Variants in ZPBP observed in about 807,000 individuals in gnomAD.
ZPBP encodes the protein zona pellucida binding protein, also known as zona pellucida-binding protein 1.
In ZPBP, 26 loss-of-function variants were observed where a neutral mutation model predicts 44.8. The ratio of observed to expected loss-of-function variants is 0.58; its 90% CI spans 0.43 to 0.81. The LOEUF (loss-of-function observed/expected upper bound fraction) is 0.81. Among genes scored for constraint, ZPBP ranks in the 30% least tolerant of loss-of-function variants. ZPBP has a pLI of 0.00. For missense variants in ZPBP, 409 were observed against 434.0 expected (o/e 0.94, Z 0.51); for synonymous variants, 174 against 153.2 (o/e 1.14, Z -1.00).
intron 1 of ZPBP, among the ~76,000 whole-genome samples, chr7:49,907,905 AC>A (rs894825611): frequency 6.6e-6 from 1 of 152,160 alleles, no homozygotes; most frequent in African/African-American, 2.4e-5. Context: ...CTCCAGTAGC[AC>A]GCTTCAGAGC....
At chr7:50,090,604 C>T (rs12718240) in intron 1 of ZPBP, among the ~76,000 whole-genome samples, 6 of 62,118 alleles carry the variant, frequency 9.7e-5, no homozygotes, top group Admixed American at 2.0e-4. Context: ...CGTATATATG[C>T]GTATATATGT....
intron 6 of ZPBP, among the ~76,000 whole-genome samples, chr7:50,005,821 A>ATGTGTGTG (rs1384784137): frequency 1.9e-5 from 2 of 105,912 alleles, no homozygotes; most frequent in Admixed American, 2.2e-4. Flanking sequence ...TCATAACTAT[A>ATGTGTGTG]TATGTGTGTG....
At chr7:50,064,021 T>C (rs762361324) in intron 3 of ZPBP, among the ~76,000 whole-genome samples, 63 of 152,212 alleles carry the variant, frequency 4.1e-4, no homozygotes, top group Non-Finnish European at 7.2e-4. Context: ...CAGTCTCTTA[T>C]GTATCGGGGG....
At chr7:50,056,438 C>G (rs1800938846) in intron 4 of ZPBP, 1 of 152,224 alleles carries the variant, frequency 6.6e-6, no homozygotes, top group Non-Finnish European at 1.5e-5. Flanking sequence ...TGTGATTACA[C>G]TGGACCCACC....
At chr7:50,057,192 A>AC (rs201235536) in intron 4 of ZPBP, among the ~76,000 whole-genome samples, 44 of 152,030 alleles carry the variant, frequency 2.9e-4, no homozygotes, top group African/African-American at 1.1e-3. Context: ...ATCTCAAAAA[A>AC]AAAAAAAAAA....
intron 2 of ZPBP, among the ~76,000 whole-genome samples, chr7:49,869,314 G>A (rs773178559): frequency 6.6e-6 from 1 of 152,114 alleles, no homozygotes; most frequent in Non-Finnish European, 1.5e-5. Context: ...CCAGGAATCT[G>A]GGGGAGAATA....
chr7:49,973,052 C>T (rs1031842755), intron 7 of ZPBP, among the ~76,000 whole-genome samples: 1 of 151,982 alleles, frequency 6.6e-6, no homozygotes, highest in Non-Finnish European at 1.5e-5. Context: ...GGACCCTTAA[C>T]TTACACAGCA....
chr7:49,844,406 C>T, the ZPBP span, among the ~76,000 whole-genome samples: 1 of 152,204 alleles, frequency 6.6e-6, no homozygotes, highest in African/African-American at 2.4e-5. Context: ...CGGCTTTGCC[C>T]TGGCAGAGTT....
chr7:49,982,376 A>G (rs1012669762), intron 7 of ZPBP, among the ~76,000 whole-genome samples: 3 of 134,298 alleles, frequency 2.2e-5, no homozygotes, highest in Non-Finnish European at 4.6e-5. Flanking sequence ...ATAATACATA[A>G]TATATATAAT....
intron 6 of ZPBP, among the ~76,000 whole-genome samples, chr7:49,986,297 C>A (rs779103883): frequency 1.3e-5 from 2 of 152,184 alleles, no homozygotes; most frequent in Non-Finnish European, 2.9e-5. Context: ...TTTTCTACAG[C>A]ATTTTCCTTC....
intron 1 of ZPBP, among the ~76,000 whole-genome samples, chr7:49,930,612 T>A (rs913187745): frequency 6.6e-6 from 1 of 152,182 alleles, no homozygotes; most frequent in Non-Finnish European, 1.5e-5. Context: ...CAATAAAATA[T>A]GTATTCTGAT....
intron 2 of ZPBP, among the ~76,000 whole-genome samples, chr7:49,870,931 A>C (rs572247575): frequency 1.3e-5 from 2 of 152,232 alleles, no homozygotes; most frequent in Non-Finnish European, 2.9e-5. Context: ...GAACTGCTCC[A>C]GGAAATATGA....
chr7:49,952,346 A>G (rs1795381865), intron 7 of ZPBP, among the ~76,000 whole-genome samples: 1 of 151,982 alleles, frequency 6.6e-6, no homozygotes, highest in South Asian at 2.1e-4. Flanking sequence ...AAAACAATAA[A>G]TGGTTAAAAG....
intron 2 of ZPBP, among the ~76,000 whole-genome samples, chr7:49,877,805 A>T (rs188230660): frequency 6.6e-6 from 1 of 151,750 alleles, no homozygotes; most frequent in Non-Finnish European, 1.5e-5. Flanking sequence ...ATTATTTGAA[A>T]TAAGGAGTAG....
At chr7:49,852,561 C>G (rs1309809749) in intron 2 of ZPBP, among the ~76,000 whole-genome samples, 1 of 151,748 alleles carries the variant, frequency 6.6e-6, no homozygotes, top group Non-Finnish European at 1.5e-5. Flanking sequence ...GGGGATAATG[C>G]TATTTAGTGG....
intron 2 of ZPBP, among the ~76,000 whole-genome samples, chr7:49,869,557 C>A (rs557431406): frequency 1.3e-5 from 2 of 152,170 alleles, no homozygotes; most frequent in African/African-American, 4.8e-5. Context: ...TTATACTGAT[C>A]CTTTTGCAAA....
At chr7:50,020,267 T>A (rs1584057092) in intron 5 of ZPBP, among the ~76,000 whole-genome samples, 1 of 152,126 alleles carries the variant, frequency 6.6e-6, no homozygotes, top group Admixed American at 6.6e-5. Flanking sequence ...TACTTTTGAA[T>A]CTTTATACAA....
At chr7:49,884,655 T>C (rs906128936) in intron 2 of ZPBP, among the ~76,000 whole-genome samples, 5 of 152,170 alleles carry the variant, frequency 3.3e-5, no homozygotes, top group African/African-American at 1.2e-4. Flanking sequence ...GTTGAGCTGG[T>C]TTCCTCAGGA....
chr7:50,059,564 C>T (rs1562596367), intron 3 of ZPBP, among the ~76,000 whole-genome samples: 1 of 152,056 alleles, frequency 6.6e-6, no homozygotes, highest in African/African-American at 2.4e-5. Flanking sequence ...TAACAGTTTG[C>T]AAGAGTTCAC....
Sources: allele counts gnomAD v4.1 joint callset (sites outside exome capture counted in the v4.1 genomes callset), GRCh38; gene constraint gnomAD v4.1.1; transcripts MANE v1.5; gene names NCBI Gene and HGNC (gene_info 2026-07-23, HGNC 2026-07-21).